The following SORCS2 variants were observed in gnomAD, a reference collection of about 807,000 sequenced individuals.
The protein encoded by SORCS2 is VPS10 domain-containing receptor SorCS2.
Under a neutral mutation model 141.6 loss-of-function variants are expected in SORCS2, and 100 were observed. The ratio of observed to expected loss-of-function variants is 0.71; its 90% CI spans 0.60 to 0.83. SORCS2 has a LOEUF of 0.83. Ranked by LOEUF, SORCS2 falls within the 40% of genes least tolerant of loss-of-function variation. The probability of loss-of-function intolerance (pLI) is 0.00; values close to 1 mark genes in which losing one functional copy is unlikely to be tolerated. For synonymous variants in SORCS2, 789 were observed against 676.9 expected, an observed-to-expected ratio of 1.17 and a Z score of -2.57; for missense variants, 1,646 against 1,560.2, an observed-to-expected ratio of 1.05 and a Z score of -0.93.
chr4:7,300,258 A>G (rs1247421773), intron 1 of SORCS2, among the ~76,000 whole-genome samples: 2 of 150,710 alleles, frequency 1.3e-5, no homozygotes, highest in Non-Finnish European at 3.0e-5. Flanking sequence ...TGGAGGGAGG[A>G]GTGAGGGTCT....
intron 3 of SORCS2, among the ~76,000 whole-genome samples, chr4:7,581,305 A>G (rs923200191): frequency 6.6e-6 from 1 of 152,132 alleles, no homozygotes; most frequent in African/African-American, 2.4e-5. Context: ...ACTATGTGTC[A>G]TTTTTACTTT....
intron 1 of SORCS2, among the ~76,000 whole-genome samples, chr4:7,342,277 G>C (rs1035959029): frequency 3.3e-5 from 5 of 152,234 alleles, no homozygotes; most frequent in African/African-American, 1.2e-4. Flanking sequence ...GCTACTCACT[G>C]TGTCCTGACA....
At chr4:7,519,747 C>T (rs11726107) in intron 2 of SORCS2, among the ~76,000 whole-genome samples, 13 of 152,212 alleles carry the variant, frequency 8.5e-5, no homozygotes, top group Non-Finnish European at 1.8e-4. Flanking sequence ...ACCTCTTAGT[C>T]TGACCCATTC....
chr4:7,605,792 G>T (rs1577830040), intron 3 of SORCS2, among the ~76,000 whole-genome samples: 1 of 152,070 alleles, frequency 6.6e-6, no homozygotes, highest in Non-Finnish European at 1.5e-5. Context: ...GTCCTGGGAG[G>T]GGGTCTTGGG....
chr4:7,602,973 A>C (rs370685504), intron 3 of SORCS2, among the ~76,000 whole-genome samples: 1 of 152,342 alleles, frequency 6.6e-6, no homozygotes, highest in East Asian at 1.9e-4. Flanking sequence ...CCCGACCAAC[A>C]TGGCAAAACC....
At chr4:7,411,881 G>A (rs1192473146) in intron 2 of SORCS2, among the ~76,000 whole-genome samples, 1 of 152,136 alleles carries the variant, frequency 6.6e-6, no homozygotes, top group African/African-American at 2.4e-5. Context: ...AGACACCACA[G>A]CCTCCCTTCT....
At position 7,703,356 on chromosome 4, in the gene SORCS2, C is replaced by A; in HGVS notation, c.1745C>A (p.Pro582His). The change falls in exon 13 of 27, where the codon CCT becomes CAT. Residue 582 changes from proline to histidine, a missense_variant. Physicochemically the swap from Pro to His is moderately conservative, Grantham distance 77. Coordinates refer to ENST00000507866, the MANE Select transcript of SORCS2 (RefSeq NM_020777.3). ...VIVAIKDTSI[P>H]LKILKFSVDE... ...GTGGCCATCAAAGACACCTCCATCC[C>A]TTTGAAGATCCTCAAGTAATGGCGT... The A allele has an allele frequency of 6.2e-7, 1 of 1,613,164 alleles. No homozygotes were observed. Among genetic ancestry groups the A allele is most frequent in the Non-Finnish European group, 8.5e-7 (1 of 1,179,584 alleles).
chr4:7,466,613 G>T (rs560802655), intron 2 of SORCS2, among the ~76,000 whole-genome samples: 59 of 152,320 alleles, frequency 3.9e-4, no homozygotes, highest in African/African-American at 1.4e-3. Flanking sequence ...GAAACACGGG[G>T]TCCTGTAGGA....
chr4:7,232,594 C>T (rs1353176564), intron 1 of SORCS2, among the ~76,000 whole-genome samples: 2 of 152,252 alleles, frequency 1.3e-5, no homozygotes, highest in African/African-American at 2.4e-5. Flanking sequence ...TCCCGCTCAG[C>T]TCCTACATTT....
At chr4:7,705,604 C>T (rs1725379113) in intron 14 of SORCS2, among the ~76,000 whole-genome samples, 1 of 152,246 alleles carries the variant, frequency 6.6e-6, no homozygotes, top group South Asian at 2.1e-4. Context: ...TCACCCTCGC[C>T]CACTCGGCTG....
At chr4:7,260,434 A>G (rs7662239) in intron 1 of SORCS2, among the ~76,000 whole-genome samples, 38,937 of 151,966 alleles carry the variant, frequency 0.26, 5,287 homozygotes, top group East Asian at 0.44. Context: ...TGATCCATCA[A>G]TGGATTGACT....
In SORCS2 at chr4:7,664,252, C is replaced by T; in HGVS notation, c.953-101C>T. On this transcript the variant is annotated intron_variant, in intron 6 of 26. Coordinates refer to ENST00000507866, the MANE Select transcript of SORCS2 (RefSeq NM_020777.3). This position sits in a 1 kb window ranked among gnomAD's most constrained non-coding sequence, Gnocchi z 4.7. ...TAGAATTCAAGCCCATGAAGCCACA[C>T]CACAGCGGTATTGGAGGAAGATGGA... 1.1e-6 allele frequency: 1 copy of T among 921,630 alleles called. No individual in the cohort carries two copies. The highest frequency in any genetic ancestry group is 2.7e-5 in the East Asian group (1 of 37,336). The allele number at this position is 921,630 out of a possible 1,614,324, so 57.1% of individuals were successfully genotyped here.
intron 1 of SORCS2, among the ~76,000 whole-genome samples, chr4:7,385,743 G>A (rs1183196280): frequency 6.6e-6 from 1 of 152,222 alleles, no homozygotes; most frequent in Non-Finnish European, 1.5e-5. Context: ...TGCCTCGGGG[G>A]TATAACACTG....
chr4:7,215,926 T>C (rs1483326725), intron 1 of SORCS2, among the ~76,000 whole-genome samples: 1 of 140,476 alleles, frequency 7.1e-6, no homozygotes, highest in African/African-American at 2.5e-5. Context: ...TGGGGCCAGA[T>C]AAGAGAATAA....
intron 1 of SORCS2, among the ~76,000 whole-genome samples, chr4:7,249,614 A>C (rs941486677): frequency 6.6e-6 from 1 of 152,176 alleles, no homozygotes; most frequent in African/African-American, 2.4e-5. Flanking sequence ...GTGTCACTTC[A>C]TTCATGCCTC....
intron 2 of SORCS2, among the ~76,000 whole-genome samples, chr4:7,447,755 C>T (rs1270526844): frequency 2.6e-5 from 4 of 152,090 alleles, no homozygotes; most frequent in South Asian, 2.1e-4. Flanking sequence ...CCGGGCATTT[C>T]GAAACTGGAA....
chr4:7,468,974 G>C (rs915675272), intron 2 of SORCS2, among the ~76,000 whole-genome samples: 4 of 152,202 alleles, frequency 2.6e-5, no homozygotes, highest in African/African-American at 9.6e-5. Context: ...TTGTAAAATA[G>C]GAAAAATGAA....
intron 3 of SORCS2, among the ~76,000 whole-genome samples, chr4:7,574,931 G>A (rs902851431): frequency 1.2e-4 from 19 of 152,240 alleles, no homozygotes; most frequent in Admixed American, 6.5e-5. Flanking sequence ...GCCATGTCCC[G>A]ACTCCTGGGC....
chr4:7,427,338 G>T (rs1052885647), intron 2 of SORCS2, among the ~76,000 whole-genome samples: 1 of 152,130 alleles, frequency 6.6e-6, no homozygotes, highest in African/African-American at 2.4e-5. Flanking sequence ...CTAAGCATAG[G>T]CCTGGGGCCT....
Sources: allele counts gnomAD v4.1 joint callset (sites outside exome capture counted in the v4.1 genomes callset), GRCh38; gene constraint gnomAD v4.1.1; non-coding constraint Gnocchi (gnomAD v3.1); transcripts MANE v1.5; gene names NCBI Gene and HGNC (gene_info 2026-07-23, HGNC 2026-07-21).